ASIC2: variants seen among roughly 807,000 people sequenced by gnomAD.
ASIC2 encodes acid sensing ion channel subunit 2.
Under a neutral mutation model 57.3 loss-of-function variants are expected in ASIC2, and 25 were observed. The observed-to-expected ratio is 0.44, with a 90% CI of 0.32 to 0.61. The LOEUF is 0.61. Ranked by LOEUF, ASIC2 falls within the 20% of genes least tolerant of loss-of-function variation. The probability of loss-of-function intolerance (pLI) is 0.06; values close to 1 mark genes in which losing one functional copy is unlikely to be tolerated. For synonymous variants in ASIC2, 319 were observed against 307.5 expected (o/e 1.04, Z -0.39); for missense variants, 641 against 738.1 (o/e 0.87, Z 1.52).
At chr17:33,771,826 A>C (rs12602269) in intron 1 of ASIC2, among the ~76,000 whole-genome samples, 12,172 of 152,324 alleles carry the variant, frequency 0.08, 562 homozygotes, top group East Asian at 0.22. Flanking sequence ...CGTGGTAATT[A>C]GATTTCCATC....
At chr17:34,138,306 A>T (rs1164807797) in intron 1 of ASIC2, among the ~76,000 whole-genome samples, 1 of 152,248 alleles carries the variant, frequency 6.6e-6, no homozygotes, top group East Asian at 1.9e-4. Context: ...GCACATAGCC[A>T]ATGCTCAGTA....
At chr17:33,245,668 G>A (rs1235274919) in intron 1 of ASIC2, among the ~76,000 whole-genome samples, 4 of 152,168 alleles carry the variant, frequency 2.6e-5, no homozygotes, top group Admixed American at 6.5e-5. Context: ...GCTGAGCTGG[G>A]GTCCTCTATG....
chr17:33,933,884 G>T (rs2141973583), intron 1 of ASIC2, among the ~76,000 whole-genome samples: 1 of 152,324 alleles, frequency 6.6e-6, no homozygotes, highest in Middle Eastern at 3.4e-3. Context: ...AGAGCTGCAG[G>T]AGATTTTCAT....
At chr17:33,320,909 T>C (rs971774415) in intron 1 of ASIC2, among the ~76,000 whole-genome samples, 4 of 152,226 alleles carry the variant, frequency 2.6e-5, no homozygotes, top group African/African-American at 9.6e-5. Context: ...TGAGGTCCTG[T>C]AGGCAGTACC....
At chr17:33,721,867 C>G (rs1473874733) in intron 1 of ASIC2, among the ~76,000 whole-genome samples, 2 of 152,194 alleles carry the variant, frequency 1.3e-5, no homozygotes, top group African/African-American at 2.4e-5. Context: ...GTGGCAGGAG[C>G]TGCAAGAAGG....
intron 1 of ASIC2, among the ~76,000 whole-genome samples, chr17:34,035,220 T>C (rs1290947127): frequency 1.4e-5 from 2 of 144,272 alleles, no homozygotes. Context: ...TCTACAACTA[T>C]CTCATCTTTG....
chr17:33,480,489 T>C (rs1423178591), intron 1 of ASIC2, among the ~76,000 whole-genome samples: 1 of 151,866 alleles, frequency 6.6e-6, no homozygotes, highest in East Asian at 1.9e-4. Flanking sequence ...AAACGAGGAA[T>C]TGGAAAAAGT....
chr17:33,579,095 G>A (rs1307698949), intron 1 of ASIC2, among the ~76,000 whole-genome samples: 1 of 148,912 alleles, frequency 6.7e-6, no homozygotes, highest in Non-Finnish European at 1.5e-5. Context: ...GACCAGTCTG[G>A]CCAACATGGT....
intron 1 of ASIC2, among the ~76,000 whole-genome samples, chr17:33,865,857 T>C (rs912402126): frequency 2.0e-5 from 3 of 151,422 alleles, no homozygotes; most frequent in African/African-American, 7.3e-5. Context: ...GAATAATATA[T>C]AGACTTTTAC....
chr17:33,378,188 G>A (rs1909348725), intron 1 of ASIC2, among the ~76,000 whole-genome samples: 1 of 152,188 alleles, frequency 6.6e-6, no homozygotes, highest in South Asian at 2.1e-4. Flanking sequence ...TCTAAATTTT[G>A]AATGATAGCT....
At chr17:34,119,612 G>GACACACACAC (rs71369048) in intron 1 of ASIC2, among the ~76,000 whole-genome samples, 5 of 147,938 alleles carry the variant, frequency 3.4e-5, no homozygotes, top group African/African-American at 7.8e-5. Flanking sequence ...TCTCTACACA[G>GACACACACAC]ACACACACAC....
At chr17:33,764,236 G>A (rs990351420) in intron 1 of ASIC2, among the ~76,000 whole-genome samples, 1 of 151,368 alleles carries the variant, frequency 6.6e-6, no homozygotes, top group Non-Finnish European at 1.5e-5. Flanking sequence ...AGAATGGTGT[G>A]AACTCAGGAG....
chr17:33,315,790 C>T (rs1186961858), intron 1 of ASIC2, among the ~76,000 whole-genome samples: 5 of 152,184 alleles, frequency 3.3e-5, no homozygotes, highest in Non-Finnish European at 7.3e-5. Flanking sequence ...TTCTTTTGAC[C>T]TTTGCCATAC....
At chr17:33,071,775 A>G (rs959771301) in intron 3 of ASIC2, among the ~76,000 whole-genome samples, 2 of 152,348 alleles carry the variant, frequency 1.3e-5, no homozygotes, top group African/African-American at 4.8e-5. Flanking sequence ...GCAGAAACAA[A>G]GCAGCTTTTA....
chr17:33,864,596 G>C (rs968724181), intron 1 of ASIC2, among the ~76,000 whole-genome samples: 1 of 152,156 alleles, frequency 6.6e-6, no homozygotes, highest in Non-Finnish European at 1.5e-5. Flanking sequence ...TGGTAAAGGG[G>C]ACAGGGGCTG....
intron 1 of ASIC2, among the ~76,000 whole-genome samples, chr17:33,937,425 C>CT (rs111454004): frequency 0.062 from 9,142 of 147,634 alleles, 329 homozygotes; most frequent in East Asian, 0.14. Flanking sequence ...AATCAGAGCT[C>CT]TTTTTTTTTT....
At chr17:33,811,605 G>A (rs1912424385) in intron 1 of ASIC2, among the ~76,000 whole-genome samples, 1 of 152,196 alleles carries the variant, frequency 6.6e-6, no homozygotes, top group South Asian at 2.1e-4. Flanking sequence ...CATTCCTGCT[G>A]AGCCTGAATT....
chr17:33,348,430 A>G (rs967396379), intron 1 of ASIC2, among the ~76,000 whole-genome samples: 1 of 152,184 alleles, frequency 6.6e-6, no homozygotes, highest in Non-Finnish European at 1.5e-5. Context: ...TTACAGGCAC[A>G]TGAGAGAAAA....
At chr17:33,275,327 G>A (rs1035290517) in intron 1 of ASIC2, among the ~76,000 whole-genome samples, 7 of 152,084 alleles carry the variant, frequency 4.6e-5, no homozygotes, top group African/African-American at 1.7e-4. Context: ...AAATATCTCA[G>A]GCAAAACCTG....
Sources: gnomAD v4.1 joint callset for allele counts (sites outside exome capture counted in the v4.1 genomes callset) on GRCh38, gnomAD v4.1.1 for gene constraint, MANE v1.5 for transcripts, NCBI Gene and HGNC (gene_info 2026-07-23, HGNC 2026-07-21) for gene names.